Variants in CENPW observed in about 807,000 individuals in gnomAD.
CENPW encodes the protein cancer-up-regulated gene 2 protein.
A neutral mutation model predicts 11.1 loss-of-function variants in CENPW; 3 were observed. The ratio of observed to expected loss-of-function variants is 0.27; its 90% CI spans 0.12 to 0.70. CENPW has a LOEUF of 0.70. CENPW is among the 30% of genes least tolerant of loss of function. CENPW has a pLI of 0.77. For missense variants in CENPW, 100 were observed against 105.6 expected, an observed-to-expected ratio of 0.95 and a Z score of 0.23; for synonymous variants, 38 against 42.0, an observed-to-expected ratio of 0.91 and a Z score of 0.37.
chr6:126,347,556 A>G (rs1415065567), intron 2 of CENPW, among the ~76,000 whole-genome samples: 1 of 152,106 alleles, frequency 6.6e-6, no homozygotes, highest in African/African-American at 2.4e-5. Context: ...TAGGACAGAG[A>G]AGTACTAGTC....
the CENPW span, among the ~76,000 whole-genome samples, chr6:126,374,511 T>G: frequency 6.6e-6 from 1 of 152,160 alleles, no homozygotes; most frequent in South Asian, 2.1e-4. Context: ...GGCATAGACA[T>G]GGTTTGGGAG....
chr6:126,352,300 C>T (rs931176541), downstream of CENPW, among the ~76,000 whole-genome samples: 1 of 152,024 alleles, frequency 6.6e-6, no homozygotes, highest in Non-Finnish European at 1.5e-5. Context: ...TTTGCTGACC[C>T]CTGTGTTAGA....
At chr6:126,408,644 G>T in the CENPW span, among the ~76,000 whole-genome samples, 1 of 152,060 alleles carries the variant, frequency 6.6e-6, no homozygotes, top group African/African-American at 2.4e-5. Context: ...TTTTATTACA[G>T]GTTCAATCTC....
chr6:126,480,262 T>TA, the CENPW span, among the ~76,000 whole-genome samples: 1 of 151,992 alleles, frequency 6.6e-6, no homozygotes, highest in East Asian at 1.9e-4. Context: ...TTAGGAGAAA[T>TA]AAAAAATGTT....
At chr6:126,458,642 C>T in the CENPW span, among the ~76,000 whole-genome samples, 1 of 151,086 alleles carries the variant, frequency 6.6e-6, no homozygotes, top group Non-Finnish European at 1.5e-5. Flanking sequence ...GTAGAATCAA[C>T]CTACTGAGAG....
the CENPW span, among the ~76,000 whole-genome samples, chr6:126,407,583 C>T: frequency 1.3e-5 from 2 of 152,178 alleles, no homozygotes; most frequent in Non-Finnish European, 2.9e-5. Context: ...TCTCCGCAAC[C>T]TTGCCAGCAT....
the CENPW span, among the ~76,000 whole-genome samples, chr6:126,478,442 G>A: frequency 6.6e-6 from 1 of 151,604 alleles, no homozygotes; most frequent in African/African-American, 2.4e-5. Context: ...CTGTGGGCGT[G>A]TGTATAAAGA....
chr6:126,439,932 A>C, the CENPW span, among the ~76,000 whole-genome samples: 2 of 151,792 alleles, frequency 1.3e-5, no homozygotes, highest in Non-Finnish European at 2.9e-5. Context: ...CCTATTCTTC[A>C]GCTCATAGGC....
chr6:126,449,821 A>G, the CENPW span, among the ~76,000 whole-genome samples: 4 of 151,144 alleles, frequency 2.6e-5, no homozygotes, highest in Non-Finnish European at 5.9e-5. Flanking sequence ...GAAAATAATT[A>G]TGCCAACTAA....
chr6:126,436,373 A>T, the CENPW span, among the ~76,000 whole-genome samples: 177 of 151,902 alleles, frequency 1.2e-3, no homozygotes, highest in African/African-American at 3.8e-3. Flanking sequence ...ATGATAAAAG[A>T]AAATGATCAC....
the CENPW span, among the ~76,000 whole-genome samples, chr6:126,473,816 T>C: frequency 4.0e-5 from 6 of 149,448 alleles, no homozygotes; most frequent in South Asian, 1.3e-3. Flanking sequence ...AGCATAGATA[T>C]ATAGAATATA....
At chr6:126,450,510 T>C in the CENPW span, among the ~76,000 whole-genome samples, 6 of 151,174 alleles carry the variant, frequency 4.0e-5, no homozygotes, top group African/African-American at 1.4e-4. Context: ...TTTTGATTCA[T>C]AGTTCCATTT....
chr6:126,438,946 A>G, the CENPW span, among the ~76,000 whole-genome samples: 4 of 151,864 alleles, frequency 2.6e-5, no homozygotes, highest in South Asian at 8.3e-4. Context: ...TACTTTGAAG[A>G]AGGTAGCTTA....
At chr6:126,371,095 G>A in the CENPW span, among the ~76,000 whole-genome samples, 3 of 152,150 alleles carry the variant, frequency 2.0e-5, no homozygotes, top group Non-Finnish European at 4.4e-5. Context: ...CCTCTTGTCT[G>A]ATTGCTCTAG....
the CENPW span, among the ~76,000 whole-genome samples, chr6:126,425,159 C>A: frequency 6.6e-6 from 1 of 152,116 alleles, no homozygotes; most frequent in Non-Finnish European, 1.5e-5. Context: ...TGGAGTCTTT[C>A]ACAGAGGATA....
At chr6:126,368,611 A>G in the CENPW span, among the ~76,000 whole-genome samples, 1 of 150,146 alleles carries the variant, frequency 6.7e-6, no homozygotes, top group East Asian at 2.0e-4. Flanking sequence ...ATTTTAGTGC[A>G]CCCATCACCC....
the CENPW span, among the ~76,000 whole-genome samples, chr6:126,438,270 A>G: frequency 6.6e-6 from 1 of 151,686 alleles, no homozygotes; most frequent in African/African-American, 2.4e-5. Context: ...ATTGGGCTTA[A>G]CAAATTGAGA....
the CENPW span, among the ~76,000 whole-genome samples, chr6:126,360,371 T>C: frequency 2.8e-4 from 43 of 152,162 alleles, no homozygotes; most frequent in Non-Finnish European, 5.3e-4. Flanking sequence ...TTCTTTCTCA[T>C]TGACCTTGGA....
chr6:126,366,911 A>G, the CENPW span, among the ~76,000 whole-genome samples: 25 of 152,180 alleles, frequency 1.6e-4, no homozygotes, highest in Non-Finnish European at 2.9e-5. Flanking sequence ...ACAAGAGAGC[A>G]AGAGATGGAA....
Sources: allele counts gnomAD v4.1 joint callset (sites outside exome capture counted in the v4.1 genomes callset), GRCh38; gene constraint gnomAD v4.1.1; transcripts MANE v1.5; gene names NCBI Gene and HGNC (gene_info 2026-07-23, HGNC 2026-07-21).